The following DCLK1 variants were observed in gnomAD, a reference collection of about 807,000 sequenced individuals.
The protein encoded by DCLK1 is serine/threonine-protein kinase DCLK1.
DCLK1 carries 16 observed loss-of-function variants against 86.2 expected under a neutral mutation model. The ratio of observed to expected loss-of-function variants is 0.19; its 90% CI spans 0.13 to 0.28. The LOEUF (loss-of-function observed/expected upper bound fraction) is 0.28, where lower values mean the gene tolerates loss of function less well. Among genes scored for constraint, DCLK1 ranks in the 10% least tolerant of loss-of-function variants. The probability of loss-of-function intolerance (pLI) is 1.00; values close to 1 mark genes in which losing one functional copy is unlikely to be tolerated. For synonymous variants in DCLK1, 369 were observed against 370.5 expected, an observed-to-expected ratio of 1.00 and a Z score of 0.05; for missense variants, 590 against 940.2, an observed-to-expected ratio of 0.63 and a Z score of 4.87.
chr13:35,890,808 C>T (rs9545637), intron 4 of DCLK1, among the ~76,000 whole-genome samples: 151,604 of 151,698 alleles, frequency 1, 75,755 homozygotes, highest in Non-Finnish European at 1. Flanking sequence ...AAACTTTTTC[C>T]ATATATTTAA....
At chr13:35,947,827 C>T (rs1877467942) in intron 3 of DCLK1, among the ~76,000 whole-genome samples, 2 of 152,120 alleles carry the variant, frequency 1.3e-5, no homozygotes, top group African/African-American at 2.4e-5. Flanking sequence ...GTTTTAACAA[C>T]AAATATGTTT....
intron 3 of DCLK1, among the ~76,000 whole-genome samples, chr13:36,098,848 A>G (rs1482202874): frequency 6.6e-6 from 1 of 152,198 alleles, no homozygotes; most frequent in African/African-American, 2.4e-5. Flanking sequence ...GGGCTAGGAC[A>G]TTTAGTATTT....
At chr13:36,033,508 T>C (rs1222663716) in intron 3 of DCLK1, among the ~76,000 whole-genome samples, 2 of 152,156 alleles carry the variant, frequency 1.3e-5, no homozygotes, top group Non-Finnish European at 2.9e-5. Context: ...GACTCAATAT[T>C]GGTGTGACTC....
In DCLK1 at chr13:35,793,500, A is replaced by C. The variant is rs368298500; in HGVS notation, c.1945-21T>G. Reference sequence around the variant, plus strand: ...TCATCCTGGAGAAAAAGAAATAAAGAGAAGAGAAAAAGAAAGAAAATGAGA... The same window carrying C: ...TCATCCTGGAGAAAAAGAAATAAAGCGAAGAGAAAAAGAAAGAAAATGAGA... On this transcript the variant is annotated intron_variant, in intron 15 of 16. Coordinates refer to ENST00000360631, the MANE Select transcript of DCLK1 (RefSeq NM_001330071.2). The C allele has an allele frequency of 5.4e-5, 84 of 1,563,914 alleles. No individual in the cohort carries two copies. The African/African-American group carries it at 8.7e-4, about 16-fold the overall frequency.
At chr13:35,939,265 A>G (rs1190337137) in intron 4 of DCLK1, among the ~76,000 whole-genome samples, 2 of 152,212 alleles carry the variant, frequency 1.3e-5, no homozygotes, top group African/African-American at 2.4e-5. Context: ...CCTCTATTTC[A>G]GACATCAGGC....
At chr13:35,970,814 C>T (rs75642931) in intron 3 of DCLK1, among the ~76,000 whole-genome samples, 6,261 of 152,206 alleles carry the variant, frequency 0.041, 373 homozygotes, top group African/African-American at 0.13. Flanking sequence ...CAATTAATTT[C>T]ACAGATATCT....
Position 35,871,254 on chromosome 13 carries a change from G to T in DCLK1, c.910C>A (p.Arg304Ser). 1 of 1,613,730 alleles carries T rather than the reference G, an allele frequency of 6.2e-7. No homozygotes were observed. The highest frequency in any genetic ancestry group is 1.3e-5 in the African/African-American group (1 of 74,910). ...CTGGTGGAGGCAGGGGACTTGCTAC[G>T]CCTGGACGGTCCTGGGCTCTTGGTG... ...STTKSPGPSR[R>S]SKSPASTSSV... The change falls in exon 5 of 17, where the codon CGT becomes AGT. Residue 304 changes from arginine to serine, a missense_variant. Coordinates refer to ENST00000360631, the MANE Select transcript of DCLK1 (RefSeq NM_001330071.2).
intron 4 of DCLK1, among the ~76,000 whole-genome samples, chr13:35,906,507 T>C (rs7322672): frequency 0.043 from 6,605 of 152,148 alleles, 495 homozygotes; most frequent in African/African-American, 0.15. Flanking sequence ...TTGTGCTAGA[T>C]TTTGATGGAT....
At chr13:36,127,547 T>C (rs113578924) in intron 1 of DCLK1, among the ~76,000 whole-genome samples, 1,975 of 152,342 alleles carry the variant, frequency 0.013, 36 homozygotes, top group African/African-American at 0.045. Context: ...TACCTCACAG[T>C]CAGTATTAAC....
intron 3 of DCLK1, among the ~76,000 whole-genome samples, chr13:35,981,110 G>C (rs1310461880): frequency 6.6e-6 from 1 of 152,116 alleles, no homozygotes; most frequent in Non-Finnish European, 1.5e-5. Flanking sequence ...GGAACAAAGA[G>C]AGCCATTTCA....
intron 4 of DCLK1, among the ~76,000 whole-genome samples, chr13:35,895,596 CTT>C (rs1218818062): frequency 6.6e-6 from 1 of 152,018 alleles, no homozygotes; most frequent in African/African-American, 2.4e-5. Context: ...CTAATTATGT[CTT>C]TGCATTTATG....
chr13:36,131,420 C>T (rs989919659), upstream of DCLK1: 4 of 191,724 alleles, frequency 2.1e-5, no homozygotes, highest in Non-Finnish European at 4.2e-5. Context: ...TCTTGTCTCA[C>T]TCGCTCACAC....
chr13:35,771,368 T>C lies in DCLK1; in HGVS notation c.*3167A>G, dbSNP rs1292795981. ...TTTCAGTAGTTTATTCACATTTTTTTTTCTCTGCTTATTTTAATATGCACC... is the reference window on the plus strand; with the variant it reads ...TTTCAGTAGTTTATTCACATTTTTTCTTCTCTGCTTATTTTAATATGCACC... On this transcript the variant is annotated 3_prime_UTR_variant, in exon 17 of 17. Coordinates refer to ENST00000360631, the MANE Select transcript of DCLK1 (RefSeq NM_001330071.2). The C allele has an allele frequency of 6.6e-6, 1 of 152,178 alleles. No individual in the cohort carries two copies. The highest frequency in any genetic ancestry group is 1.9e-4 in the East Asian group (1 of 5,198). The allele number at this position is 152,178 out of a possible 1,614,324, so 9.4% of individuals were successfully genotyped here.
chr13:35,812,990 C>T (rs1377128412), intron 11 of DCLK1, among the ~76,000 whole-genome samples: 1 of 152,224 alleles, frequency 6.6e-6, no homozygotes, highest in Non-Finnish European at 1.5e-5. Flanking sequence ...CCCAGCCTAA[C>T]TGTTCTTAGG....
At chr13:35,803,027 C>T (rs1265978870) in intron 15 of DCLK1, among the ~76,000 whole-genome samples, 1 of 152,162 alleles carries the variant, frequency 6.6e-6, no homozygotes, top group African/African-American at 2.4e-5. Flanking sequence ...CCATATTGTA[C>T]CTGCCTGTTT....
At chr13:35,948,775 C>T (rs1408560329) in intron 3 of DCLK1, among the ~76,000 whole-genome samples, 1 of 152,098 alleles carries the variant, frequency 6.6e-6, no homozygotes, top group Non-Finnish European at 1.5e-5. Context: ...TTAGTCTGCC[C>T]ATGAAAGCTT....
intron 3 of DCLK1, among the ~76,000 whole-genome samples, chr13:36,028,596 A>G (rs1882138675): frequency 6.6e-6 from 1 of 152,206 alleles, no homozygotes; most frequent in Admixed American, 6.5e-5. Flanking sequence ...AGGCGTTTGA[A>G]CCAGAGCAAA....
intron 12 of DCLK1, among the ~76,000 whole-genome samples, chr13:35,810,484 C>T (rs985818814): frequency 4.6e-5 from 7 of 152,170 alleles, no homozygotes; most frequent in Admixed American, 6.5e-5. Context: ...CTGTAATCAC[C>T]GCACACGGCA....
intron 10 of DCLK1, among the ~76,000 whole-genome samples, chr13:35,825,189 C>T (rs9531093): frequency 0.57 from 87,281 of 152,046 alleles, 28,945 homozygotes; most frequent in Non-Finnish European, 0.73. Flanking sequence ...CATCCCTGGG[C>T]CCTGAGGGTT....
Sources: allele counts gnomAD v4.1 joint callset (sites outside exome capture counted in the v4.1 genomes callset), GRCh38; gene constraint gnomAD v4.1.1; transcripts MANE v1.5; gene names NCBI Gene and HGNC (gene_info 2026-07-23, HGNC 2026-07-21).